ILRUN: variants seen among roughly 807,000 people sequenced by gnomAD.
ILRUN encodes inflammation and lipid regulator with UBA-like and NBR1-like domains, also known as protein ILRUN.
A neutral mutation model predicts 33.8 loss-of-function variants in ILRUN; 3 were observed. The observed-to-expected ratio is 0.09, with a 90% CI of 0.04 to 0.23. The LOEUF is 0.23. ILRUN is among the 10% of genes least tolerant of loss of function. The pLI is 1.00. For synonymous variants in ILRUN, 124 were observed against 138.9 expected (o/e 0.89, Z 0.75); for missense variants, 210 against 375.1 (o/e 0.56, Z 3.64).
intron 4 of ILRUN, among the ~76,000 whole-genome samples, 194 bp downstream of exon 4, chr6:34,606,361 C>T (rs1235480502): frequency 6.6e-6 from 1 of 152,134 alleles, no homozygotes; most frequent in Non-Finnish European, 1.5e-5. Flanking sequence ...GCAACATCCA[C>T]AGGACATGAA....
At chr6:34,606,201 G>C (rs970797044) in intron 4 of ILRUN, among the ~76,000 whole-genome samples, 11 of 152,068 alleles carry the variant, frequency 7.2e-5, no homozygotes, top group Admixed American at 5.2e-4. Flanking sequence ...ATGCAAACAG[G>C]GTAAATAAAG....
At chr6:34,654,419 A>G (rs1338432649) in intron 2 of ILRUN, among the ~76,000 whole-genome samples, 4 of 152,228 alleles carry the variant, frequency 2.6e-5, no homozygotes, top group Non-Finnish European at 4.4e-5. Flanking sequence ...TAAAAGCATG[A>G]GACATAAATT....
rs529482902 is a variant in ILRUN, at chr6:34,605,566, T to C, written c.861+989A>G. Among the ~76,000 whole-genome samples, 6 of 151,964 alleles carry C rather than the reference T, an allele frequency of 3.9e-5. 1 individual carries two copies. The South Asian group carries it at 8.3e-4, about 21-fold the overall frequency. On this transcript the variant is annotated intron_variant, in intron 4 of 4. Transcript: ENST00000374023. ...ATTTCTTGAGCCCGGGAGGTGGAGGTTGCAGTCAGCCGAGATTGTGTCACT... is the reference window on the plus strand; with the variant it reads ...ATTTCTTGAGCCCGGGAGGTGGAGGCTGCAGTCAGCCGAGATTGTGTCACT...
At chr6:34,614,443 A>AAAAATATAT (rs71000073) in intron 3 of ILRUN, among the ~76,000 whole-genome samples, 2,488 of 133,456 alleles carry the variant, frequency 0.019, 69 homozygotes, top group African/African-American at 0.045. Context: ...AAAAAAAAAA[A>AAAAATATAT]ATATATATAT....
chr6:34,596,941 C>T (rs1230326431), intron 4 of ILRUN, among the ~76,000 whole-genome samples: 1 of 152,032 alleles, frequency 6.6e-6, no homozygotes, highest in African/African-American at 2.4e-5. Flanking sequence ...CTCCCTTCAC[C>T]CATTCATCCA....
chr6:34,614,611 T>C (rs536683680), intron 3 of ILRUN, among the ~76,000 whole-genome samples: 55 of 151,148 alleles, frequency 3.6e-4, no homozygotes, highest in Middle Eastern at 3.4e-3. Flanking sequence ...AGATACTCCC[T>C]GTTTCCAAGA....
rs1763355265 is a variant in ILRUN at position 34,681,414 on chromosome 6, C to T, written c.158+15032G>A. On this transcript the variant is annotated intron_variant, in intron 1 of 4. Transcript: ENST00000374023. Reference sequence around the variant, plus strand: ...AACACCATTTACTAAATCAATTACCCTTCCAACAAGTGAAAAACGTATTCA... The same window carrying T: ...AACACCATTTACTAAATCAATTACCTTTCCAACAAGTGAAAAACGTATTCA... Among the ~76,000 whole-genome samples, 2 of 152,170 alleles carry T rather than the reference C, an allele frequency of 1.3e-5. 1 individual carries two copies. Among genetic ancestry groups the T allele is most frequent in the South Asian group, 4.1e-4 (2 of 4,822 alleles).
rs554040281 is a variant in ILRUN, at chr6:34,639,320, A to G, written c.511+7281T>C. Among the ~76,000 whole-genome samples, 4 of 152,336 alleles carry G rather than the reference A, an allele frequency of 2.6e-5. No homozygotes were observed. The South Asian group carries it at 6.2e-4, about 24-fold the overall frequency. On this transcript the variant is annotated intron_variant, in intron 3 of 4. Coordinates refer to ENST00000374023, the MANE Select transcript of ILRUN (RefSeq NM_024294.4). ...ACTACTTCAAGTAGTGGAAACCCCCATAAGTGCGAGATAATCAGACTATCA... is the reference window on the plus strand; with the variant it reads ...ACTACTTCAAGTAGTGGAAACCCCCGTAAGTGCGAGATAATCAGACTATCA...
chr6:34,621,859 C>T (rs548270268), intron 3 of ILRUN, among the ~76,000 whole-genome samples: 1 of 113,404 alleles, frequency 8.8e-6, no homozygotes, highest in African/African-American at 4.9e-5. Context: ...AAGACTCCAG[C>T]TCAAAAAAAA....
At chr6:34,654,153 T>A (rs1403141548) in intron 2 of ILRUN, among the ~76,000 whole-genome samples, 6 of 144,794 alleles carry the variant, frequency 4.1e-5, no homozygotes, top group African/African-American at 8.0e-5. Flanking sequence ...GAGACAATCA[T>A]CCTTGTGGTT....
intron 1 of ILRUN, chr6:34,685,703 C>A (rs1763501493): frequency 6.6e-6 from 1 of 152,122 alleles, no homozygotes; most frequent in Non-Finnish European, 1.5e-5. Flanking sequence ...AAGTTTCCTG[C>A]CCCAACCAGA....
intron 1 of ILRUN, among the ~76,000 whole-genome samples, chr6:34,675,972 T>A (rs1763220107): frequency 1.3e-5 from 2 of 152,058 alleles, no homozygotes; most frequent in Non-Finnish European, 2.9e-5. Flanking sequence ...GTAGCAAAAC[T>A]CTTGTCCATC....
chr6:34,605,780 A>G (rs1761617942), intron 4 of ILRUN, among the ~76,000 whole-genome samples: 1 of 152,226 alleles, frequency 6.6e-6, no homozygotes, highest in South Asian at 2.1e-4. Context: ...CAGACCTAAC[A>G]GTTTATGTGG....
intron 3 of ILRUN, among the ~76,000 whole-genome samples, chr6:34,642,751 G>A (rs2127357215): frequency 6.7e-6 from 1 of 150,202 alleles, no homozygotes; most frequent in Admixed American, 6.7e-5. Context: ...CACTTTAGGA[G>A]GCTGAGGAGG....
chr6:34,649,775 A>T (rs1762625318), intron 2 of ILRUN, among the ~76,000 whole-genome samples: 1 of 152,174 alleles, frequency 6.6e-6, no homozygotes, highest in Admixed American at 6.5e-5. Flanking sequence ...AGCTCCATGA[A>T]AGCAGAAACC....
At chr6:34,620,848 A>T (rs1761998582) in intron 3 of ILRUN, among the ~76,000 whole-genome samples, 1 of 152,238 alleles carries the variant, frequency 6.6e-6, no homozygotes, top group African/African-American at 2.4e-5. Context: ...AATACATTTT[A>T]AAATAATGAT....
At chr6:34,666,460 C>T (rs888669573) in intron 1 of ILRUN, among the ~76,000 whole-genome samples, 1 of 152,128 alleles carries the variant, frequency 6.6e-6, no homozygotes, top group African/African-American at 2.4e-5. Context: ...ACTCGCGAGG[C>T]TGCGGCAGGA....
chr6:34,627,306 T>G (rs545145486), intron 3 of ILRUN, among the ~76,000 whole-genome samples: 1 of 152,330 alleles, frequency 6.6e-6, no homozygotes, highest in South Asian at 2.1e-4. Context: ...ACTCACCAAC[T>G]AAAGGTCTTC....
chr6:34,667,748 A>G (rs1763034022), intron 1 of ILRUN, among the ~76,000 whole-genome samples: 1 of 152,226 alleles, frequency 6.6e-6, no homozygotes, highest in Non-Finnish European at 1.5e-5. Flanking sequence ...TCTGATTCTA[A>G]TCACGACTAA....
Sources: allele counts gnomAD v4.1 joint callset (sites outside exome capture counted in the v4.1 genomes callset), GRCh38; gene constraint gnomAD v4.1.1; transcripts MANE v1.5; gene names NCBI Gene and HGNC (gene_info 2026-07-23, HGNC 2026-07-21).